Variants in RAD54L observed in about 807,000 individuals in gnomAD.
The protein encoded by RAD54L is DNA repair and recombination protein RAD54-like.
RAD54L carries 74 observed loss-of-function variants against 91.6 expected under a neutral mutation model. The observed-to-expected ratio is 0.81, with a 90% confidence interval of 0.67 to 0.98. RAD54L has a LOEUF of 0.98. Ranked by LOEUF, RAD54L falls within the 50% of genes least tolerant of loss-of-function variation. The pLI is 0.00. For synonymous variants in RAD54L, 304 were observed against 349.7 expected, an observed-to-expected ratio of 0.87 and a Z score of 1.46; for missense variants, 887 against 945.7, an observed-to-expected ratio of 0.94 and a Z score of 0.81.
At position 46,248,095 on chromosome 1, in the gene RAD54L, C is replaced by T. The variant is rs1243024292; in HGVS notation, c.-311C>T. 3 of 483,864 alleles carry T rather than the reference C, an allele frequency of 6.2e-6. No individual in the cohort carries two copies. The highest frequency in any genetic ancestry group is 1.1e-5 in the Non-Finnish European group (3 of 263,854). 30.0% of individuals were successfully genotyped at this position (483,864 alleles called of 1,614,324 possible). A position where few individuals can be genotyped will look rare whatever the true frequency, so the allele number is the denominator to read the frequency against. On this transcript the variant is annotated 5_prime_UTR_variant, in exon 1 of 18. Coordinates refer to ENST00000371975, the MANE Select transcript of RAD54L (RefSeq NM_003579.4). ...TCACCCGGACTGGGACCATCATCCCCACTCCACTCCGCCCAGTCTGGGACT... is the reference window on the plus strand; with the variant it reads ...TCACCCGGACTGGGACCATCATCCCTACTCCACTCCGCCCAGTCTGGGACT...
chr1:46,252,692 C>G (rs1301070055), intron 3 of RAD54L, among the ~76,000 whole-genome samples: 2 of 151,896 alleles, frequency 1.3e-5, no homozygotes, highest in Non-Finnish European at 2.9e-5. Context: ...ATCAGGAGGC[C>G]CATGAAGTTC....
intron 3 of RAD54L, among the ~76,000 whole-genome samples, chr1:46,252,319 T>G (rs1659824276): frequency 6.6e-6 from 1 of 151,866 alleles, no homozygotes; most frequent in Non-Finnish European, 1.5e-5. Flanking sequence ...CTGAAGAGCT[T>G]TAGAAGTGTT....
intron 3 of RAD54L, among the ~76,000 whole-genome samples, chr1:46,251,771 A>G: frequency 6.6e-6 from 1 of 152,140 alleles, no homozygotes; most frequent in Non-Finnish European, 1.5e-5. Flanking sequence ...TTAGCTGGGC[A>G]TGGTGGCGTG....
At chr1:46,270,171 C>T (rs773132220) in intron 9 of RAD54L, among the ~76,000 whole-genome samples, 4 of 152,030 alleles carry the variant, frequency 2.6e-5, no homozygotes, top group Non-Finnish European at 5.9e-5. Context: ...AGTTCGAGAC[C>T]AGCGTGGCCA....
chr1:46,270,675 C>G lies in RAD54L; in HGVS notation c.1059C>G (p.Phe353Leu), dbSNP rs1660396891. 1 of 1,612,254 alleles carries G rather than the reference C, an allele frequency of 6.2e-7. No individual in the cohort carries two copies. The highest frequency in any genetic ancestry group is 1.3e-5 in the African/African-American group (1 of 75,044). ...TGTGTTTAGGGACTGCCCATGAATT[C>G]AAGAAGCATTTTGAATTGCCAATTT... ...NSGILGTAHEFKKHFELPILK... is the reference protein window; with the variant it reads ...NSGILGTAHELKKHFELPILK... Residue 353 changes from phenylalanine to leucine, a missense_variant, in exon 10 of 18, where the codon TTC (phenylalanine) becomes TTG (leucine). By Grantham distance (22) the Phe-to-Leu change is conservative (BLOSUM62 0). Coordinates refer to ENST00000371975, the MANE Select transcript of RAD54L (RefSeq NM_003579.4).
chr1:46,260,919 A>G lies in RAD54L; in HGVS notation c.670A>G (p.Lys224Glu). The G allele has an allele frequency of 6.2e-7, 1 of 1,614,204 alleles. No homozygotes were observed. The highest frequency in any genetic ancestry group is 8.5e-7 in the Non-Finnish European group (1 of 1,180,034). The change falls in exon 7 of 18, where the codon AAG (lysine) becomes GAG (glutamate). Residue 224 changes from lysine to glutamate, a missense_variant. Lys to Glu is a moderately conservative substitution (Grantham distance 56, BLOSUM62 1). Coordinates refer to ENST00000371975, the MANE Select transcript of RAD54L (RefSeq NM_003579.4). Reference sequence around the variant, plus strand: ...GGTGGTGTCGCCTTCCAGCCTGGTGAAGAACTGGTACAATGAGGTTGGGAA... The same window carrying G: ...GGTGGTGTCGCCTTCCAGCCTGGTGGAGAACTGGTACAATGAGGTTGGGAA... ...AVVVSPSSLVKNWYNEVGKWL... is the reference protein window; with the variant it reads ...AVVVSPSSLVENWYNEVGKWL...
At chr1:46,266,627 G>T (rs538575773) in intron 8 of RAD54L, among the ~76,000 whole-genome samples, 2 of 152,328 alleles carry the variant, frequency 1.3e-5, no homozygotes, top group African/African-American at 2.4e-5. Context: ...AAGCTCTTTA[G>T]CTCTACTAGC....
At chr1:46,257,785 TG>T (rs1296955801) in intron 3 of RAD54L, among the ~76,000 whole-genome samples, 2 of 152,026 alleles carry the variant, frequency 1.3e-5, no homozygotes, top group Admixed American at 1.3e-4. Context: ...GTACTCAGAG[TG>T]GGTGAGAGGC....
chr1:46,278,347 C>A lies in RAD54L; in HGVS notation c.*65C>A. 1 of 1,491,120 alleles carries A rather than the reference C, an allele frequency of 6.7e-7. No individual in the cohort carries two copies. The highest frequency in any genetic ancestry group is 1.2e-5 in the South Asian group (1 of 82,978). The allele number at this position is 1,491,120 out of a possible 1,614,324, so 92.4% of individuals were successfully genotyped here. A position where few individuals can be genotyped will look rare whatever the true frequency, so the allele number is the denominator to read the frequency against. On this transcript the variant is annotated 3_prime_UTR_variant, in exon 18 of 18. Coordinates refer to ENST00000371975, the MANE Select transcript of RAD54L (RefSeq NM_003579.4). ...TAGGGAAAAGGGGCTCCTTGCTCCACAGGGCCCTGTTGAATTTTGTTCTCT... is the reference window on the plus strand; with the variant it reads ...TAGGGAAAAGGGGCTCCTTGCTCCAAAGGGCCCTGTTGAATTTTGTTCTCT...
rs199725042 is a variant in RAD54L, at chr1:46,273,357, C to T, written c.1378C>T (p.Pro460Ser). Residue 460 changes from proline (P) to serine (S), a missense_variant and splice_region_variant, in exon 13 of 18, where the codon CCA becomes TCA. Physicochemically the swap from Pro to Ser is moderately conservative, Grantham distance 74 (BLOSUM62 -1). Coordinates refer to ENST00000371975, the MANE Select transcript of RAD54L (RefSeq NM_003579.4). Reference sequence around the variant, plus strand: ...GGTTTTGTTTTGTTTTCTCCCAGATCCAGCTCTAATCTATGATAAGTGTGT... The same window carrying T: ...GGTTTTGTTTTGTTTTCTCCCAGATTCAGCTCTAATCTATGATAAGTGTGT... ...ITSLKKLCNH[P>S]ALIYDKCVEE... The T allele has an allele frequency of 1.7e-5, 28 of 1,609,640 alleles. No homozygotes were observed. The highest frequency in any genetic ancestry group is 2.2e-5 in the Non-Finnish European group (26 of 1,175,902).
At chr1:46,275,989 A>G (rs1206469953) in intron 16 of RAD54L, among the ~76,000 whole-genome samples, 1 of 151,192 alleles carries the variant, frequency 6.6e-6, no homozygotes, top group African/African-American at 2.4e-5. Flanking sequence ...GTCTTTGGAA[A>G]CTCCACTCTG....
intron 16 of RAD54L, 89 bp downstream of exon 16, chr1:46,274,806 T>C: frequency 6.6e-7 from 1 of 1,518,680 alleles, no homozygotes; most frequent in South Asian, 1.1e-5. Flanking sequence ...CTCTTTGGCC[T>C]TTCTGCCTCT....
chr1:46,257,143 CAAAAAAAA>C (rs576146179), intron 3 of RAD54L, among the ~76,000 whole-genome samples: 1 of 54,412 alleles, frequency 1.8e-5, no homozygotes, highest in South Asian at 5.6e-4. Flanking sequence ...GACTCCATCT[CAAAAAAAA>C]AAAAAAAAAA....
chr1:46,248,544 G>T lies in RAD54L; in HGVS notation c.36G>T (p.Lys12Asn). The T allele has an allele frequency of 6.2e-7, 1 of 1,614,196 alleles. No individual in the cohort carries two copies. The highest frequency in any genetic ancestry group is 8.5e-7 in the Non-Finnish European group (1 of 1,180,042). Residue 12 changes from lysine to asparagine, a missense_variant, in exon 2 of 18, where the codon AAG becomes AAT. By Grantham distance (94) the Lys-to-Asn change is moderately conservative (BLOSUM62 0). Transcript: ENST00000371975. ...GCTTGGCTCCCAGCCAGCTGGCCAAGAGAAAACCTGAAGGCAGGTCCTGTG... is the reference window on the plus strand; with the variant it reads ...GCTTGGCTCCCAGCCAGCTGGCCAATAGAAAACCTGAAGGCAGGTCCTGTG... The part of the protein sequence containing the change: ...RRSLAPSQLA[K>N]RKPEGRSCDD...
rs1333217552 is a variant in RAD54L at position 46,270,388 on chromosome 1, A to G, written c.1043-271A>G. ...GAAAAAAAAAAAATCCACTCTGGCC[A>G]TGTTTGTCTTTTTAGTGGACTATTC... On this transcript the variant is annotated intron_variant, in intron 9 of 17. Coordinates refer to ENST00000371975, the MANE Select transcript of RAD54L (RefSeq NM_003579.4). 3.6e-4 allele frequency among the ~76,000 whole-genome samples: 54 copies of G among 151,718 alleles called. 1 individual carries two copies. Among genetic ancestry groups the G allele is most frequent in the Non-Finnish European group, 1.5e-5 (1 of 67,962 alleles).
Position 46,270,753 on chromosome 1 carries a change from G to A in RAD54L, c.1137G>A (p.Glu379=). Residue 379 remains glutamate, a synonymous_variant, in exon 10 of 18, where the codon GAG becomes GAA. Coordinates refer to ENST00000371975, the MANE Select transcript of RAD54L (RefSeq NM_003579.4). ...AGGCAGACAGGCAGCTAGGAGAGGA[G>A]CGGCTGCGGGAGCTCACCAGCATTG... ...ASEADRQLGE[E]RLRELTSIVN... 6.2e-7 allele frequency: 1 copy of A among 1,614,236 alleles called. No homozygotes were observed.
chr1:46,248,689 C>T, intron 2 of RAD54L, 91 bp downstream of exon 2: 2 of 1,098,142 alleles, frequency 1.8e-6, no homozygotes, highest in South Asian at 2.6e-5. Context: ...TAGCCAATTC[C>T]AGATGCCTCT....
intron 3 of RAD54L, among the ~76,000 whole-genome samples, chr1:46,254,592 T>TC (rs1214229899): frequency 6.6e-6 from 1 of 151,296 alleles, no homozygotes; most frequent in Non-Finnish European, 1.5e-5. Flanking sequence ...ACTTTTTTTT[T>TC]TTTTTTTTTT....
intron 3 of RAD54L, among the ~76,000 whole-genome samples, chr1:46,258,305 CAA>C (rs56952108): frequency 0.013 from 1,113 of 88,852 alleles, 16 homozygotes; most frequent in Middle Eastern, 0.066. Context: ...CTGATGTAGC[CAA>C]AAAAAAAAAA....
Sources: allele counts gnomAD v4.1 joint callset (sites outside exome capture counted in the v4.1 genomes callset), GRCh38; gene constraint gnomAD v4.1.1; transcripts MANE v1.5; gene names NCBI Gene and HGNC (gene_info 2026-07-23, HGNC 2026-07-21).